The following SAMMSON variants were observed in gnomAD, a reference collection of about 807,000 sequenced individuals.
SAMMSON encodes long intergenic non-protein coding RNA 1212.
At chr3:70,151,356 G>A (rs1019994612) in intron 4 of SAMMSON, among the ~76,000 whole-genome samples, 1 of 152,008 alleles carries the variant, frequency 6.6e-6, no homozygotes, top group African/African-American at 2.4e-5. Flanking sequence ...CTGGTTCTGG[G>A]AATGCTGAAC....
At chr3:70,325,486 T>A (rs1203821961) in intron 7 of SAMMSON, among the ~76,000 whole-genome samples, 4 of 152,104 alleles carry the variant, frequency 2.6e-5, no homozygotes, top group Non-Finnish European at 5.9e-5. Flanking sequence ...GAGGAAATAA[T>A]CAACTCAAAA....
At position 70,033,592 on chromosome 3, in the gene SAMMSON, C is replaced by T. The variant is rs79718388; in HGVS notation, n.417+19920C>T. ...CTTGGGACTATCTTGCAAGTAACAG[C>T]CAGCCAGATAAAATGCTTAGCAGGG... On this transcript the variant is annotated intron_variant and non_coding_transcript_variant, in intron 3 of 9. Transcript: ENST00000642114. 2.8e-4 allele frequency among the ~76,000 whole-genome samples: 43 copies of T among 152,226 alleles called. 1 individual carries two copies. In the East Asian group the frequency reaches 5.0e-3, roughly 18 times the overall value.
At chr3:70,027,561 C>G (rs1055977851) in intron 3 of SAMMSON, among the ~76,000 whole-genome samples, 1 of 152,180 alleles carries the variant, frequency 6.6e-6, no homozygotes, top group Non-Finnish European at 1.5e-5. Flanking sequence ...AATCATTTTA[C>G]TAAATCGAGC....
At chr3:70,021,623 A>G (rs1161443720) in intron 3 of SAMMSON, among the ~76,000 whole-genome samples, 1 of 152,202 alleles carries the variant, frequency 6.6e-6, no homozygotes, top group African/African-American at 2.4e-5. Context: ...AAGGATCCAA[A>G]TCATTTTCAG....
intron 4 of SAMMSON, among the ~76,000 whole-genome samples, chr3:70,215,282 C>T (rs11128169): frequency 0.45 from 68,000 of 151,824 alleles, 15,499 homozygotes; most frequent in East Asian, 0.71. Context: ...AGAGCTAGTA[C>T]TTGAACTTAC....
chr3:70,236,198 G>T (rs1274549870), intron 4 of SAMMSON, among the ~76,000 whole-genome samples: 2 of 151,946 alleles, frequency 1.3e-5, no homozygotes, highest in African/African-American at 4.8e-5. Flanking sequence ...AACTAAAATC[G>T]ACTTGGCCCC....
rs1042592326 is a variant in SAMMSON, at chr3:70,124,564, G to C, written n.507+52999G>C. ...ACCGTGGCTCACGCCTGTAATCCCA[G>C]CACTTTGGGAGGCTGAGGCGGGTGG... On this transcript the variant is annotated intron_variant and non_coding_transcript_variant, in intron 4 of 9. Coordinates refer to ENST00000642114, the Ensembl canonical transcript of SAMMSON. Among the ~76,000 whole-genome samples the C allele has an allele frequency of 2.0e-5, 3 of 152,190 alleles. No homozygotes were observed. In the East Asian group the frequency reaches 5.8e-4, roughly 29 times the overall value.
At chr3:70,089,568 G>C (rs2067298220) in intron 4 of SAMMSON, among the ~76,000 whole-genome samples, 1 of 151,664 alleles carries the variant, frequency 6.6e-6, no homozygotes, top group Admixed American at 6.6e-5. Context: ...AGGGTGATGG[G>C]TGTTGGACTC....
At chr3:70,110,667 A>G (rs577048593) in intron 4 of SAMMSON, among the ~76,000 whole-genome samples, 7 of 152,248 alleles carry the variant, frequency 4.6e-5, no homozygotes, top group Admixed American at 1.3e-4. Flanking sequence ...ATCTGTCTCA[A>G]TTCTAAATAC....
chr3:70,392,487 G>A (rs1449540739), downstream of SAMMSON, among the ~76,000 whole-genome samples: 4 of 152,116 alleles, frequency 2.6e-5, no homozygotes, highest in East Asian at 3.9e-4. Context: ...TTGCAGCCTC[G>A]TAGTTGATTG....
At chr3:70,287,496 T>C (rs1029923216) in intron 6 of SAMMSON, among the ~76,000 whole-genome samples, 11 of 151,892 alleles carry the variant, frequency 7.2e-5, no homozygotes, top group South Asian at 2.1e-4. Flanking sequence ...CAATGTTCAT[T>C]AAGGATATTG....
chr3:70,234,007 C>T (rs1701586308), intron 4 of SAMMSON, among the ~76,000 whole-genome samples: 1 of 152,154 alleles, frequency 6.6e-6, no homozygotes, highest in Admixed American at 6.6e-5. Flanking sequence ...GAGTAAAATG[C>T]TGAGTCATGT....
chr3:70,378,198 A>G (rs909738068), intron 9 of SAMMSON, among the ~76,000 whole-genome samples: 1 of 151,660 alleles, frequency 6.6e-6, no homozygotes, highest in Non-Finnish European at 1.5e-5. Context: ...CAAAACTGCA[A>G]TCACTCTGAA....
intron 3 of SAMMSON, among the ~76,000 whole-genome samples, chr3:70,019,091 A>G (rs1438244893): frequency 6.6e-6 from 1 of 152,164 alleles, no homozygotes; most frequent in East Asian, 1.9e-4. Flanking sequence ...GTAGATGTCT[A>G]TTAGGTCTGC....
chr3:70,357,682 T>C (rs1702839662), intron 8 of SAMMSON, among the ~76,000 whole-genome samples: 1 of 151,812 alleles, frequency 6.6e-6, no homozygotes, highest in Non-Finnish European at 1.5e-5. Context: ...AACTGCACAT[T>C]CTGCACATGT....
intron 3 of SAMMSON, among the ~76,000 whole-genome samples, chr3:70,025,428 A>G (rs2067033492): frequency 1.3e-5 from 2 of 152,056 alleles, no homozygotes; most frequent in African/African-American, 2.4e-5. Context: ...TATTTAGTAG[A>G]GAAGGGGTTT....
At chr3:70,129,831 G>T (rs1255910368) in intron 4 of SAMMSON, among the ~76,000 whole-genome samples, 1 of 152,024 alleles carries the variant, frequency 6.6e-6, no homozygotes, top group African/African-American at 2.4e-5. Flanking sequence ...CTGCCACTTT[G>T]AAAACAGTTA....
intron 7 of SAMMSON, among the ~76,000 whole-genome samples, chr3:70,344,936 C>A (rs1289694186): frequency 6.6e-6 from 1 of 152,140 alleles, no homozygotes; most frequent in Non-Finnish European, 1.5e-5. Flanking sequence ...ATATAAAAAA[C>A]AAATATCTGG....
intron 4 of SAMMSON, among the ~76,000 whole-genome samples, chr3:70,217,946 G>A (rs1252242824): frequency 1.3e-5 from 2 of 152,134 alleles, no homozygotes; most frequent in African/African-American, 4.8e-5. Context: ...GATGTATACA[G>A]AGGCCTTGGA....
Sources: gnomAD v4.1 joint callset for allele counts (sites outside exome capture counted in the v4.1 genomes callset) on GRCh38, gnomAD v4.1.1 for gene constraint, MANE v1.5 for transcripts, NCBI Gene and HGNC (gene_info 2026-07-23, HGNC 2026-07-21) for gene names.